Variants in MACROH2A2 observed in about 807,000 individuals in gnomAD.
The protein encoded by MACROH2A2 is core histone macro-H2A.2.
A neutral mutation model predicts 37.6 loss-of-function variants in MACROH2A2; 6 were observed. That is an observed-to-expected ratio of 0.16 (90% CI 0.09 to 0.32). MACROH2A2 has a LOEUF of 0.32. MACROH2A2 is among the 10% of genes least tolerant of loss of function. The pLI, the probability that MACROH2A2 is intolerant of heterozygous loss-of-function variation, is 1.00. For synonymous variants in MACROH2A2, 192 were observed against 202.7 expected, an observed-to-expected ratio of 0.95 and a Z score of 0.45; for missense variants, 290 against 485.9, an observed-to-expected ratio of 0.60 and a Z score of 3.79.
At chr10:70,056,942 A>G (rs2072021834) in intron 1 of MACROH2A2, among the ~76,000 whole-genome samples, 1 of 152,194 alleles carries the variant, frequency 6.6e-6, no homozygotes, top group African/African-American at 2.4e-5. Flanking sequence ...GTATTGGAAG[A>G]TCATGTTTTT....
chr10:70,056,984 AT>A (rs548704455), intron 1 of MACROH2A2, among the ~76,000 whole-genome samples: 1 of 152,032 alleles, frequency 6.6e-6, no homozygotes. Flanking sequence ...TGAAGATAGA[AT>A]TTTTTTCCCC....
chr10:70,090,087 C>G lies in MACROH2A2; in HGVS notation c.200C>G (p.Ala67Gly). The G allele has an allele frequency of 6.2e-7, 1 of 1,613,608 alleles. No homozygotes were observed. Among genetic ancestry groups the G allele is most frequent in the Non-Finnish European group, 8.5e-7 (1 of 1,179,502 alleles). ...GAAATTCTAGAATTGGCCGGCAATG[C>G]CGCGAGGGACAACAAGAAGGCCCGG... Reference protein sequence around the residue: ...AAEILELAGNAARDNKKARIA... With the variant: ...AAEILELAGNGARDNKKARIA... Residue 67 changes from alanine (A) to glycine (G), a missense_variant, in exon 3 of 9, where the codon GCC (alanine) becomes GGC (glycine). Physicochemically the swap from Ala to Gly is moderately conservative, Grantham distance 60. This residue lies in a region of MACROH2A2 where 83 missense variants were observed against 159.9 expected (regional missense o/e 0.52). Coordinates refer to ENST00000373255, the MANE Select transcript of MACROH2A2 (RefSeq NM_018649.3).
chr10:70,110,704 A>G (rs2072366903), intron 8 of MACROH2A2, among the ~76,000 whole-genome samples: 1 of 151,026 alleles, frequency 6.6e-6, no homozygotes. Context: ...GGGCAACATA[A>G]CAAGACCCAT....
chr10:70,053,507 C>T lies in MACROH2A2; in HGVS notation c.-60+507C>T, dbSNP rs1160157934. Among the ~76,000 whole-genome samples, 1 of 151,774 alleles carries T rather than the reference C, an allele frequency of 6.6e-6. No homozygotes were observed. The highest frequency in any genetic ancestry group is 2.4e-5 in the African/African-American group (1 of 41,346). ...AGGTGCCCGGGCAGGGCGCCGGCGG[C>T]TCCAGGCTGACAATGGAGGGGGCGC... On this transcript the variant is annotated intron_variant, in intron 1 of 8. Coordinates refer to ENST00000373255, the MANE Select transcript of MACROH2A2 (RefSeq NM_018649.3). This position sits in a 1 kb window ranked among gnomAD's most constrained non-coding sequence, Gnocchi z 4.8.
chr10:70,097,629 C>T (rs1589839326), intron 6 of MACROH2A2, among the ~76,000 whole-genome samples: 1 of 152,222 alleles, frequency 6.6e-6, no homozygotes, highest in East Asian at 1.9e-4. Flanking sequence ...TGTTTCAGCT[C>T]TTACCCCCTC....
chr10:70,066,043 T>G (rs949864386), intron 1 of MACROH2A2, among the ~76,000 whole-genome samples: 10 of 152,194 alleles, frequency 6.6e-5, no homozygotes, highest in African/African-American at 2.4e-4. Flanking sequence ...TGGTGGCTTA[T>G]GCCTTTAATG....
chr10:70,065,281 T>C (rs367998246), intron 1 of MACROH2A2, among the ~76,000 whole-genome samples: 107 of 152,252 alleles, frequency 7.0e-4, no homozygotes, highest in African/African-American at 2.5e-3. Flanking sequence ...TTCACCATGT[T>C]GGCCAGGCTG....
rs1305302754 is a variant in MACROH2A2, at chr10:70,071,041, G to T, written c.-59-4559G>T. Among the ~76,000 whole-genome samples the T allele has an allele frequency of 4.0e-5, 6 of 151,438 alleles. No individual in the cohort carries two copies. The South Asian group carries it at 1.3e-3, about 32-fold the overall frequency. ...AGCGCGTGCATGTATGCGTGTGCAC[G>T]TGCATGCGTGTGTGGGCGCGCGTGT... On this transcript the variant is annotated intron_variant, in intron 1 of 8. Coordinates refer to ENST00000373255, the MANE Select transcript of MACROH2A2 (RefSeq NM_018649.3).
chr10:70,101,009 A>G lies in MACROH2A2; in HGVS notation c.778+712A>G, dbSNP rs2072303546. 1.3e-5 allele frequency among the ~76,000 whole-genome samples: 2 copies of G among 152,186 alleles called. 1 individual carries two copies. Among genetic ancestry groups the G allele is most frequent in the South Asian group, 4.1e-4 (2 of 4,828 alleles). On this transcript the variant is annotated intron_variant, in intron 7 of 8. Transcript: ENST00000373255. The stretch of plus-strand genomic sequence containing the variant: ...CCACCACCTAGTCCAGAGCTTTGAT[A>G]TCACCTCACACAGAAACCCTGTTGG...
At position 70,053,185 on chromosome 10, in the gene MACROH2A2, A is replaced by G. The variant is rs1366265289; in HGVS notation, c.-60+185A>G. ...ACAAATTCTTAAATCCAGCTGCCCA[A>G]CTTGCTTCCTTGGGCGATAAAGGGG... On this transcript the variant is annotated intron_variant, in intron 1 of 8. Coordinates refer to ENST00000373255, the MANE Select transcript of MACROH2A2 (RefSeq NM_018649.3). The surrounding 1 kb of genome is among the most constrained non-coding windows in gnomAD (Gnocchi z 4.8). Among the ~76,000 whole-genome samples, 1 of 152,270 alleles carries G rather than the reference A, an allele frequency of 6.6e-6. No homozygotes were observed. Among genetic ancestry groups the G allele is most frequent in the Admixed American group, 6.5e-5 (1 of 15,306 alleles).
chr10:70,063,982 CT>C (rs2072064257), intron 1 of MACROH2A2, among the ~76,000 whole-genome samples: 1 of 152,212 alleles, frequency 6.6e-6, no homozygotes, highest in African/African-American at 2.4e-5. Context: ...GTGAATTATC[CT>C]TTCTCCCTCC....
chr10:70,077,985 G>A (rs531882334), intron 2 of MACROH2A2, among the ~76,000 whole-genome samples: 45 of 152,054 alleles, frequency 3.0e-4, no homozygotes, highest in Non-Finnish European at 5.9e-4. Context: ...TCACGCCCTC[G>A]ACCTCAAGCC....
intron 3 of MACROH2A2, 35 bp from the exon 4 acceptor site, chr10:70,091,722 G>T: frequency 2.2e-6 from 3 of 1,391,514 alleles, no homozygotes; most frequent in Non-Finnish European, 3.1e-6. Context: ...CTAGCAGGCT[G>T]TTTGCTACAT....
intron 1 of MACROH2A2, among the ~76,000 whole-genome samples, chr10:70,056,836 T>G (rs2072020338): frequency 6.6e-6 from 1 of 152,136 alleles, no homozygotes; most frequent in South Asian, 2.1e-4. Flanking sequence ...CCTCACAATT[T>G]TTTTCATTGC....
chr10:70,056,874 C>A (rs1003650959), intron 1 of MACROH2A2, among the ~76,000 whole-genome samples: 4 of 151,846 alleles, frequency 2.6e-5, no homozygotes, highest in African/African-American at 7.3e-5. Context: ...ACCTTAAATT[C>A]TATATATAGA....
intron 6 of MACROH2A2, 77 bp downstream of exon 6, chr10:70,095,830 G>A: frequency 1.4e-6 from 1 of 738,498 alleles, no homozygotes; most frequent in Admixed American, 2.0e-5. Context: ...GCTGATCATT[G>A]TCAACTGGCT....
In MACROH2A2 at chr10:70,075,768, T is replaced by C. The variant is rs771360095; in HGVS notation, c.110T>C (p.Phe37Ser). The C allele has an allele frequency of 6.2e-7, 1 of 1,613,916 alleles. No homozygotes were observed. The highest frequency in any genetic ancestry group is 8.5e-7 in the Non-Finnish European group (1 of 1,179,998). The part of the protein sequence containing the change: ...RLMRYLKKGT[F>S]KYRISVGAPV... ...ATGCGTTATCTGAAGAAAGGGACGTTCAAGTACCGGATCAGCGTGGGCGCC... is the reference window on the plus strand; with the variant it reads ...ATGCGTTATCTGAAGAAAGGGACGTCCAAGTACCGGATCAGCGTGGGCGCC... Residue 37 changes from phenylalanine (F) to serine (S), a missense_variant, in exon 2 of 9, where the codon TTC (phenylalanine) becomes TCC (serine). Physicochemically the swap from Phe to Ser is radical, Grantham distance 155 (BLOSUM62 -2). Transcript: ENST00000373255. This position sits in a 1 kb window ranked among gnomAD's most constrained non-coding sequence, Gnocchi z 5.0.
At position 70,109,100 on chromosome 10, in the gene MACROH2A2, C is replaced by T. The variant is rs2072354670; in HGVS notation, c.846C>T (p.Gly282=). 2 of 1,613,898 alleles carry T rather than the reference C, an allele frequency of 1.2e-6. No individual in the cohort carries two copies. Among genetic ancestry groups the T allele is most frequent in the Non-Finnish European group, 1.7e-6 (2 of 1,179,722 alleles). The change falls in exon 8 of 9, where the codon GGC becomes GGT. Residue 282 remains glycine (G), a synonymous_variant. Transcript: ENST00000373255. ...FVIHCHIPQW[G]SDKCEEQLEE... is the part of the protein sequence containing the mutation. ...TCCACTGTCACATCCCTCAGTGGGGCTCCGACAAATGTGAAGAACAGCTTG... is the reference window on the plus strand; with the variant it reads ...TCCACTGTCACATCCCTCAGTGGGGTTCCGACAAATGTGAAGAACAGCTTG...
intron 2 of MACROH2A2, among the ~76,000 whole-genome samples, chr10:70,079,989 A>T (rs1451515169): frequency 6.6e-6 from 1 of 152,184 alleles, no homozygotes; most frequent in African/African-American, 2.4e-5. Flanking sequence ...GGGTAAAAGA[A>T]GTCTGACCAG....
Sources: gnomAD v4.1 joint callset for allele counts (sites outside exome capture counted in the v4.1 genomes callset) on GRCh38, gnomAD v4.1.1 for gene constraint, gnomAD v4.1.1 regional missense constraint, Gnocchi (gnomAD v3.1) non-coding constraint, MANE v1.5 for transcripts, NCBI Gene and HGNC (gene_info 2026-07-23, HGNC 2026-07-21) for gene names.